The following HTR7 variants were observed in gnomAD, a reference collection of about 807,000 sequenced individuals.
The protein encoded by HTR7 is 5-HT-7.
HTR7 carries 16 observed loss-of-function variants against 34.0 expected under a neutral mutation model. That is an observed-to-expected ratio of 0.47 (90% confidence interval 0.32 to 0.71). HTR7 has a LOEUF of 0.71. HTR7 is among the 30% of genes least tolerant of loss of function. The pLI, the probability that HTR7 is intolerant of heterozygous loss-of-function variation, is 0.04. For synonymous variants in HTR7, 265 were observed against 260.2 expected (o/e 1.02, Z -0.18); for missense variants, 504 against 625.5 (o/e 0.81, Z 2.07).
At chr10:90,811,075 T>C (rs1845799711) in intron 1 of HTR7, among the ~76,000 whole-genome samples, 1 of 152,198 alleles carries the variant, frequency 6.6e-6, no homozygotes, top group Non-Finnish European at 1.5e-5. Flanking sequence ...TTCCGTTCCT[T>C]GAAGACAGCT....
intron 1 of HTR7, among the ~76,000 whole-genome samples, chr10:90,812,145 AG>A (rs1226903739): frequency 6.6e-6 from 1 of 152,246 alleles, no homozygotes; most frequent in African/African-American, 2.4e-5. Context: ...TACAGGGTAC[AG>A]CCCATTTGAG....
chr10:90,830,098 ATATT>A (rs1367404602), intron 1 of HTR7, among the ~76,000 whole-genome samples: 4 of 152,310 alleles, frequency 2.6e-5, no homozygotes, highest in Non-Finnish European at 4.4e-5. Context: ...AATTTGACAA[ATATT>A]TATTGACTGT....
intron 1 of HTR7, among the ~76,000 whole-genome samples, chr10:90,793,107 C>A (rs940009489): frequency 6.6e-6 from 1 of 152,074 alleles, no homozygotes; most frequent in African/African-American, 2.4e-5. Context: ...CAAGAGGGTG[C>A]AAAGGCAACC....
At chr10:90,817,579 C>T (rs1172675469) in intron 1 of HTR7, among the ~76,000 whole-genome samples, 2 of 152,182 alleles carry the variant, frequency 1.3e-5, no homozygotes, top group African/African-American at 4.8e-5. Flanking sequence ...CTGCCCCATC[C>T]CCCACCCTTT....
At chr10:90,784,318 T>A (rs75138507) in intron 1 of HTR7, among the ~76,000 whole-genome samples, 2,600 of 152,296 alleles carry the variant, frequency 0.017, 86 homozygotes, top group African/African-American at 0.058. Flanking sequence ...TCTGTGCCTA[T>A]CCTCTTAGCC....
chr10:90,768,995 C>T (rs927159678), intron 1 of HTR7, among the ~76,000 whole-genome samples: 2 of 152,174 alleles, frequency 1.3e-5, no homozygotes, highest in African/African-American at 4.8e-5. Flanking sequence ...TGATTCCTCC[C>T]ACTAGCCAAG....
chr10:90,802,386 C>T (rs754795262), intron 1 of HTR7, among the ~76,000 whole-genome samples: 3 of 152,166 alleles, frequency 2.0e-5, no homozygotes, highest in East Asian at 1.9e-4. Context: ...TGCAGTCTTT[C>T]GCTGGCTTAA....
intron 1 of HTR7, among the ~76,000 whole-genome samples, chr10:90,766,157 C>G (rs1845019134): frequency 6.6e-6 from 1 of 152,112 alleles, no homozygotes; most frequent in South Asian, 2.1e-4. Flanking sequence ...GTTTATTTCT[C>G]CCTTCTATTC....
intron 1 of HTR7, among the ~76,000 whole-genome samples, chr10:90,854,409 T>A (rs1279117742): frequency 6.6e-6 from 1 of 151,454 alleles, no homozygotes; most frequent in Admixed American, 6.6e-5. Context: ...AAAAAGACCA[T>A]CCATGAAGAA....
At chr10:90,792,037 G>A (rs1845467608) in intron 1 of HTR7, among the ~76,000 whole-genome samples, 1 of 152,126 alleles carries the variant, frequency 6.6e-6, no homozygotes, top group Non-Finnish European at 1.5e-5. Context: ...AAGATTAGGT[G>A]ACTCTGTTGC....
intron 1 of HTR7, among the ~76,000 whole-genome samples, chr10:90,847,219 C>T (rs970132759): frequency 5.3e-5 from 8 of 152,108 alleles, no homozygotes; most frequent in Non-Finnish European, 1.0e-4. Flanking sequence ...GCCCACCTCA[C>T]AATGTTGTAG....
intron 1 of HTR7, among the ~76,000 whole-genome samples, chr10:90,832,115 C>T (rs989801242): frequency 4.6e-5 from 7 of 152,242 alleles, no homozygotes; most frequent in Non-Finnish European, 4.4e-5. Flanking sequence ...TGGCTTCACC[C>T]AGTGGATCTG....
intron 1 of HTR7, among the ~76,000 whole-genome samples, chr10:90,849,085 G>T (rs962188093): frequency 1.3e-5 from 2 of 152,148 alleles, no homozygotes; most frequent in African/African-American, 2.4e-5. Context: ...TGACACACAG[G>T]TGTATTATTT....
intron 1 of HTR7, among the ~76,000 whole-genome samples, chr10:90,795,359 T>G (rs147975159): frequency 6.6e-6 from 1 of 152,288 alleles, no homozygotes; most frequent in East Asian, 1.9e-4. Flanking sequence ...TCATAAACAT[T>G]TATACGTACG....
chr10:90,768,154 C>T (rs1293302059), intron 1 of HTR7, among the ~76,000 whole-genome samples: 1 of 152,146 alleles, frequency 6.6e-6, no homozygotes. Flanking sequence ...ACCATCTTAA[C>T]CCAGCTCTGC....
At position 90,857,970 on chromosome 10, in the gene HTR7, C is replaced by T. The variant is rs1052190696; in HGVS notation, c.-299G>A. 4.6e-5 allele frequency among the ~76,000 whole-genome samples: 7 copies of T among 151,046 alleles called. No homozygotes were observed. The highest frequency in any genetic ancestry group is 8.9e-5 in the Non-Finnish European group (6 of 67,662). ...CTCGGGCTGGGCTCCGCTGGCAGCT[C>T]CACAGTTCGCAGCAGCAGCTCGGCT... On this transcript the variant is annotated 5_prime_UTR_variant, in exon 1 of 4. Coordinates refer to ENST00000336152, the MANE Select transcript of HTR7 (RefSeq NM_019859.4). This position sits in a 1 kb window ranked among gnomAD's most constrained non-coding sequence, Gnocchi z 6.5.
intron 1 of HTR7, among the ~76,000 whole-genome samples, chr10:90,811,262 T>G (rs111631884): frequency 0.26 from 39,552 of 152,058 alleles, 5,463 homozygotes; most frequent in African/African-American, 0.35. Context: ...CATGTCTCCG[T>G]GCAGTGGCTG....
chr10:90,761,834 C>G (rs75312673), intron 1 of HTR7, among the ~76,000 whole-genome samples: 2,910 of 152,014 alleles, frequency 0.019, 67 homozygotes, highest in African/African-American at 0.056. Context: ...GCTACTCTCT[C>G]TTTCTGAGTT....
intron 1 of HTR7, among the ~76,000 whole-genome samples, chr10:90,755,351 T>G (rs1215565354): frequency 6.6e-6 from 1 of 152,224 alleles, no homozygotes; most frequent in Admixed American, 6.5e-5. Context: ...ACAAGGTTTT[T>G]TAAAACCTTT....
Sources: allele counts gnomAD v4.1 joint callset (sites outside exome capture counted in the v4.1 genomes callset), GRCh38; gene constraint gnomAD v4.1.1; non-coding constraint Gnocchi (gnomAD v3.1); transcripts MANE v1.5; gene names NCBI Gene and HGNC (gene_info 2026-07-23, HGNC 2026-07-21).